Variants in RSPH14 observed in about 807,000 individuals in gnomAD.
RSPH14 encodes rhabdoid tumor deletion region gene 1.
Under a neutral mutation model 26.7 loss-of-function variants are expected in RSPH14, and 20 were observed. That is an observed-to-expected ratio of 0.75 (90% confidence interval 0.53 to 1.09). The LOEUF is 1.09. RSPH14 is among the 50% of genes least tolerant of loss of function. RSPH14 has a pLI of 0.00. For missense variants in RSPH14, 449 were observed against 457.2 expected, an observed-to-expected ratio of 0.98 and a Z score of 0.16; for synonymous variants, 177 against 189.3, an observed-to-expected ratio of 0.93 and a Z score of 0.53.
the RSPH14 span, chr22:23,180,641 G>C: frequency 1.2e-5 from 2 of 165,026 alleles, no homozygotes; most frequent in African/African-American, 4.9e-5. Flanking sequence ...GGCGAGGAGC[G>C]CGCGGGCCGT....
At chr22:23,166,949 T>C in the RSPH14 span, among the ~76,000 whole-genome samples, 1 of 152,106 alleles carries the variant, frequency 6.6e-6, no homozygotes, top group Non-Finnish European at 1.5e-5. Flanking sequence ...CCGTATGCAG[T>C]GAGGTGCTCT....
At chr22:23,175,540 TTAAACTCC>T in the RSPH14 span, among the ~76,000 whole-genome samples, 1 of 151,088 alleles carries the variant, frequency 6.6e-6, no homozygotes, top group Admixed American at 6.6e-5. Flanking sequence ...CAGTCTGATC[TTAAACTCC>T]TGACCTCAAG....
At chr22:23,086,038 C>T (rs1370724744) in intron 4 of RSPH14, among the ~76,000 whole-genome samples, 8 of 152,276 alleles carry the variant, frequency 5.3e-5, no homozygotes, top group Non-Finnish European at 8.8e-5. Context: ...GTGGCAGAAG[C>T]GGTTCCTCTA....
chr22:23,138,545 G>A (rs778672854), intron 3 of RSPH14, among the ~76,000 whole-genome samples: 1 of 152,122 alleles, frequency 6.6e-6, no homozygotes, highest in East Asian at 1.9e-4. Flanking sequence ...CTGGGTGACA[G>A]AGTGAGAGAC....
At chr22:23,080,417 G>A in intron 4 of RSPH14, among the ~76,000 whole-genome samples, 1 of 152,184 alleles carries the variant, frequency 6.6e-6, no homozygotes, top group East Asian at 1.9e-4. Flanking sequence ...ACACTGGGAG[G>A]CCCAGCCGGG....
At chr22:23,104,651 G>C (rs763049617) in intron 4 of RSPH14, among the ~76,000 whole-genome samples, 21 of 152,240 alleles carry the variant, frequency 1.4e-4, no homozygotes, top group Non-Finnish European at 2.9e-4. Context: ...CAGACTCCAA[G>C]GTGGAGGCTA....
the RSPH14 span, among the ~76,000 whole-genome samples, chr22:23,178,525 A>C: frequency 2.0e-5 from 3 of 152,080 alleles, no homozygotes; most frequent in Admixed American, 2.0e-4. Context: ...CAGTTTCCTC[A>C]CATGCAAAAT....
chr22:23,174,707 G>A, the RSPH14 span, among the ~76,000 whole-genome samples: 554 of 150,118 alleles, frequency 3.7e-3, 2 homozygotes, highest in Middle Eastern at 0.014. Flanking sequence ...GGTGGCTCAC[G>A]CCTGTAATCC....
the RSPH14 span, among the ~76,000 whole-genome samples, chr22:23,173,220 C>T: frequency 6.6e-6 from 1 of 151,184 alleles, no homozygotes; most frequent in Non-Finnish European, 1.5e-5. Context: ...CTGCAAGCTC[C>T]GCCTTCCAGG....
chr22:23,133,378 TAA>T (rs900193973), intron 4 of RSPH14, among the ~76,000 whole-genome samples: 43 of 152,332 alleles, frequency 2.8e-4, no homozygotes, highest in South Asian at 1.7e-3. Flanking sequence ...TCCATTTATG[TAA>T]AGTTTTAAAA....
Position 23,059,581 on chromosome 22 carries a change from G to T in RSPH14, c.928C>A (p.Gln310Lys), listed in dbSNP as rs765129458. Residue 310 changes from glutamine (Q) to lysine (K), a missense_variant, in exon 7 of 7, where the codon CAG (glutamine) becomes AAG (lysine). Transcript: ENST00000216036. ...AEAPEGRKAL[Q>K]THVPTFRAME... ...GCACGGAAAGTGGGCACGTGCGTCT[G>T]CAGGGCCTTGCGGCCCTCGGGGGCC... 6 of 1,614,126 alleles carry T rather than the reference G, an allele frequency of 3.7e-6. No homozygotes were observed. The Admixed American group carries it at 8.3e-5, about 22-fold the overall frequency.
intron 4 of RSPH14, among the ~76,000 whole-genome samples, chr22:23,072,202 G>A (rs955407226): frequency 9.9e-5 from 15 of 152,192 alleles, no homozygotes; most frequent in Non-Finnish European, 5.9e-5. Context: ...TGAGTTGCCT[G>A]TTTCGGGGAT....
At position 23,098,992 on chromosome 22, in the gene RSPH14, G is replaced by A. The variant is rs778153212; in HGVS notation, c.422-34859C>T. Among the ~76,000 whole-genome samples the A allele has an allele frequency of 7.2e-5, 11 of 152,238 alleles. No individual in the cohort carries two copies. In the East Asian group the frequency reaches 1.5e-3, roughly 21 times the overall value. On this transcript the variant is annotated intron_variant, in intron 4 of 6. Coordinates refer to ENST00000216036, the MANE Select transcript of RSPH14 (RefSeq NM_014433.3). ...AGGCAGCCAAGAACAGGCCATGCTC[G>A]TTTTCACAAAAGCCGAATGAACCTT...
chr22:23,132,509 T>C (rs2070376360), intron 4 of RSPH14, among the ~76,000 whole-genome samples: 1 of 152,188 alleles, frequency 6.6e-6, no homozygotes, highest in African/African-American at 2.4e-5. Flanking sequence ...AAATGTGTGC[T>C]ATGGTATTTC....
chr22:23,104,142 C>T (rs2069388410), intron 4 of RSPH14, among the ~76,000 whole-genome samples: 1 of 151,312 alleles, frequency 6.6e-6, no homozygotes, highest in African/African-American at 2.4e-5. Flanking sequence ...AAAGGCAGGA[C>T]TGAGGGGGCT....
intron 4 of RSPH14, among the ~76,000 whole-genome samples, chr22:23,119,026 G>A (rs972620122): frequency 3.9e-5 from 6 of 152,248 alleles, no homozygotes; most frequent in Non-Finnish European, 7.3e-5. Flanking sequence ...GCCAGGCCCT[G>A]GAGGCCAGCA....
At chr22:23,131,713 C>A (rs1467213989) in intron 4 of RSPH14, 2 of 1,082,512 alleles carry the variant, frequency 1.8e-6, no homozygotes, top group African/African-American at 1.6e-5. Flanking sequence ...TTTAGCTCAA[C>A]CCAGCACTGG....
At chr22:23,126,006 G>A (rs1220526960) in intron 4 of RSPH14, among the ~76,000 whole-genome samples, 2 of 152,166 alleles carry the variant, frequency 1.3e-5, no homozygotes, top group East Asian at 1.9e-4. Flanking sequence ...CTAAGCCCAC[G>A]CAGGGACTCC....
At chr22:23,133,847 C>T (rs2070409582) in intron 4 of RSPH14, 179 bp downstream of exon 4, 1 of 501,386 alleles carries the variant, frequency 2.0e-6, no homozygotes, top group Non-Finnish European at 3.8e-6. Context: ...CTCGGCCTCC[C>T]AAAGTGCTGG....
Sources: allele counts gnomAD v4.1 joint callset (sites outside exome capture counted in the v4.1 genomes callset), GRCh38; gene constraint gnomAD v4.1.1; transcripts MANE v1.5; gene names NCBI Gene and HGNC (gene_info 2026-07-23, HGNC 2026-07-21).